The following ALK variants were observed in gnomAD, a reference collection of about 807,000 sequenced individuals.
ALK encodes the protein ALK tyrosine kinase receptor.
A neutral mutation model predicts 163.1 loss-of-function variants in ALK; 74 were observed. The ratio of observed to expected loss-of-function variants is 0.45; its 90% CI spans 0.38 to 0.55. The LOEUF is 0.55. Among genes scored for constraint, ALK ranks in the 20% least tolerant of loss-of-function variants. The probability of loss-of-function intolerance (pLI) is 0.00; values close to 1 mark genes in which losing one functional copy is unlikely to be tolerated. For synonymous variants in ALK, 960 were observed against 843.2 expected, an observed-to-expected ratio of 1.14 and a Z score of -2.40; for missense variants, 2,063 against 2,105.3, an observed-to-expected ratio of 0.98 and a Z score of 0.39.
chr2:29,388,100 A>C (rs1274768738), intron 4 of ALK, among the ~76,000 whole-genome samples: 1 of 152,244 alleles, frequency 6.6e-6, no homozygotes, highest in African/African-American at 2.4e-5. Flanking sequence ...ACATGGAAAC[A>C]AAAAGAATTT....
chr2:29,506,703 G>A (rs1361506254), intron 4 of ALK, among the ~76,000 whole-genome samples: 1 of 151,470 alleles, frequency 6.6e-6, no homozygotes, highest in Admixed American at 6.6e-5. Flanking sequence ...CCGAGATTGT[G>A]CCACTGCCCT....
chr2:29,704,096 T>C (rs940961252), intron 2 of ALK, among the ~76,000 whole-genome samples: 2 of 152,164 alleles, frequency 1.3e-5, no homozygotes, highest in African/African-American at 2.4e-5. Flanking sequence ...CCTGGTTAAG[T>C]GTCTTCAATA....
rs192365791 is a variant in ALK, at chr2:29,720,209, T to C, written c.668-2512A>G. The stretch of plus-strand genomic sequence containing the variant: ...GGGGGCCAGATAATATATTCAGGGG[T>C]TTAAAAAAAAAGAAAGCTTTCAAAA... On this transcript the variant is annotated intron_variant, in intron 1 of 28. Transcript: ENST00000389048. Among the ~76,000 whole-genome samples, 814 of 151,098 alleles carry C rather than the reference T, an allele frequency of 5.4e-3. 6 individuals carry two copies. The highest frequency in any genetic ancestry group is 0.018 in the African/African-American group (755 of 41,066).
At chr2:29,240,157 A>AGAGG (rs1408394739) in intron 12 of ALK, among the ~76,000 whole-genome samples, 1 of 117,468 alleles carries the variant, frequency 8.5e-6, no homozygotes, top group African/African-American at 4.0e-5. Context: ...AACAGCAGAG[A>AGAGG]GAGAGAGAGA....
At chr2:29,666,204 A>G (rs561882925) in intron 3 of ALK, among the ~76,000 whole-genome samples, 1 of 152,272 alleles carries the variant, frequency 6.6e-6, no homozygotes, top group South Asian at 2.1e-4. Context: ...TTTAAAACCT[A>G]TAATGCTTAT....
intron 1 of ALK, among the ~76,000 whole-genome samples, chr2:29,751,500 G>A (rs886175146): frequency 2.0e-5 from 3 of 152,130 alleles, no homozygotes; most frequent in Admixed American, 6.6e-5. Flanking sequence ...TGGGAAAGGC[G>A]TTGAGTTGTG....
chr2:29,660,390 C>T (rs1249572061), intron 3 of ALK, among the ~76,000 whole-genome samples: 1 of 152,104 alleles, frequency 6.6e-6, no homozygotes, highest in African/African-American at 2.4e-5. Context: ...GACAGGTGGG[C>T]AAATATGCTG....
intron 1 of ALK, among the ~76,000 whole-genome samples, chr2:29,821,883 T>G (rs1355617716): frequency 6.6e-6 from 1 of 152,154 alleles, no homozygotes; most frequent in Admixed American, 6.5e-5. Flanking sequence ...GAGCACAGAC[T>G]GGGGATTCAG....
chr2:29,270,751 C>T (rs923868927), intron 11 of ALK, among the ~76,000 whole-genome samples: 12 of 152,112 alleles, frequency 7.9e-5, no homozygotes, highest in African/African-American at 2.7e-4. Context: ...TCCTGGATTG[C>T]GTCTGTAACT....
intron 1 of ALK, among the ~76,000 whole-genome samples, chr2:29,808,879 T>G (rs1169622090): frequency 6.6e-6 from 1 of 152,202 alleles, no homozygotes; most frequent in Non-Finnish European, 1.5e-5. Flanking sequence ...ACCTTTCAGA[T>G]CCCTGAGTTA....
chr2:29,869,104 T>C (rs1014474541), intron 1 of ALK, among the ~76,000 whole-genome samples: 3 of 152,194 alleles, frequency 2.0e-5, no homozygotes, highest in Non-Finnish European at 4.4e-5. Context: ...TCAGACTCTG[T>C]GGAACAGAAA....
intron 3 of ALK, among the ~76,000 whole-genome samples, chr2:29,669,656 G>A (rs550210019): frequency 3.9e-5 from 6 of 152,080 alleles, no homozygotes; most frequent in Admixed American, 3.9e-4. Context: ...CTTTCTGGCT[G>A]TTTTAAGATC....
At chr2:29,790,370 G>GA (rs1468917979) in intron 1 of ALK, among the ~76,000 whole-genome samples, 1 of 151,950 alleles carries the variant, frequency 6.6e-6, no homozygotes, top group African/African-American at 2.4e-5. Context: ...GACTGGGCTT[G>GA]AAAAAATGTT....
intron 4 of ALK, among the ~76,000 whole-genome samples, chr2:29,432,760 G>A (rs563179097): frequency 1.4e-5 from 2 of 142,312 alleles, no homozygotes; most frequent in Admixed American, 7.2e-5. Context: ...TTTTTAAACC[G>A]ATGGATCCAT....
At chr2:29,511,318 GC>G (rs1323266566) in intron 4 of ALK, among the ~76,000 whole-genome samples, 1 of 152,062 alleles carries the variant, frequency 6.6e-6, no homozygotes, top group African/African-American at 2.4e-5. Context: ...GGGAACCACT[GC>G]CTTGCTCTCT....
intron 11 of ALK, among the ~76,000 whole-genome samples, chr2:29,252,688 C>CATTTATTT (rs575329447): frequency 1.3e-5 from 2 of 151,714 alleles, no homozygotes; most frequent in African/African-American, 4.8e-5. Flanking sequence ...TTCTGGGCTT[C>CATTTATTT]ATTTATTTAT....
intron 4 of ALK, among the ~76,000 whole-genome samples, chr2:29,404,336 T>C (rs1427321343): frequency 1.4e-5 from 2 of 147,770 alleles, no homozygotes; most frequent in African/African-American, 2.5e-5. Context: ...AGAGCTCTAA[T>C]CAAACTTGCC....
chr2:29,581,504 C>T (rs1206360408), intron 3 of ALK, among the ~76,000 whole-genome samples: 4 of 152,172 alleles, frequency 2.6e-5, no homozygotes, highest in Non-Finnish European at 1.5e-5. Flanking sequence ...GCCAGGGGAA[C>T]ACCTCCTAGG....
intron 5 of ALK, among the ~76,000 whole-genome samples, chr2:29,353,324 G>T (rs1396374162): frequency 6.6e-6 from 1 of 152,186 alleles, no homozygotes; most frequent in African/African-American, 2.4e-5. Flanking sequence ...GGAAGATAAT[G>T]AGCTTGATGC....
Sources: gnomAD v4.1 joint callset for allele counts (sites outside exome capture counted in the v4.1 genomes callset) on GRCh38, gnomAD v4.1.1 for gene constraint, MANE v1.5 for transcripts, NCBI Gene and HGNC (gene_info 2026-07-23, HGNC 2026-07-21) for gene names.